Variants in LRRC37A2 observed in about 807,000 individuals in gnomAD.
LRRC37A2 encodes leucine-rich repeat-containing protein 37A2.
Under a neutral mutation model 68.8 loss-of-function variants are expected in LRRC37A2, and 9 were observed. The observed-to-expected ratio is 0.13, with a 90% CI of 0.08 to 0.23. The LOEUF is 0.23. LRRC37A2 is among the 10% of genes least tolerant of loss of function. The pLI, the probability that LRRC37A2 is intolerant of heterozygous loss-of-function variation, is 1.00. For missense variants in LRRC37A2, 168 were observed against 950.4 expected, an observed-to-expected ratio of 0.18 and a Z score of 10.82; for synonymous variants, 63 against 367.6, an observed-to-expected ratio of 0.17 and a Z score of 9.48.
At chr17:46,940,361 G>C in the LRRC37A2 span, 1 of 1,497,692 alleles carries the variant, frequency 6.7e-7, no homozygotes, top group Admixed American at 2.0e-5. Flanking sequence ...CCCTGCCAGA[G>C]TTAAAGCAGT....
chr17:46,638,780 T>G, the LRRC37A2 span, among the ~76,000 whole-genome samples: 1 of 111,756 alleles, frequency 8.9e-6, no homozygotes, highest in Non-Finnish European at 1.7e-5. Context: ...AGTGCTGGGA[T>G]TACAGGTGTG....
the LRRC37A2 span, among the ~76,000 whole-genome samples, chr17:46,748,833 A>G: frequency 2.6e-5 from 4 of 152,238 alleles, no homozygotes; most frequent in Non-Finnish European, 2.9e-5. Context: ...GAAAAAGGCA[A>G]TTAACTCCAG....
the LRRC37A2 span, chr17:46,923,207 C>G: frequency 5.2e-6 from 8 of 1,549,594 alleles, no homozygotes; most frequent in African/African-American, 2.7e-5. Context: ...ATCCCCTGTT[C>G]CAGCAAACGC....
At chr17:46,935,000 T>C in the LRRC37A2 span, 5 of 1,607,998 alleles carry the variant, frequency 3.1e-6, no homozygotes, top group South Asian at 5.5e-5. Context: ...ATAAGCAAAG[T>C]TAATCAAGTG....
the LRRC37A2 span, among the ~76,000 whole-genome samples, chr17:46,903,205 C>T: frequency 5.8e-3 from 888 of 151,960 alleles, 6 homozygotes; most frequent in Non-Finnish European, 8.3e-3. Flanking sequence ...CGCTTGAACC[C>T]GGGAGGTGGA....
At chr17:46,791,708 G>A in the LRRC37A2 span, among the ~76,000 whole-genome samples, 2 of 152,212 alleles carry the variant, frequency 1.3e-5, no homozygotes, top group South Asian at 4.1e-4. Flanking sequence ...AAGTAGGAAG[G>A]CATTTCTTCT....
the LRRC37A2 span, among the ~76,000 whole-genome samples, chr17:47,003,395 A>G: frequency 6.6e-6 from 1 of 152,168 alleles, no homozygotes; most frequent in African/African-American, 2.4e-5. Flanking sequence ...CACATCAACT[A>G]CTAGCACCAC....
chr17:46,499,007 G>T, the LRRC37A2 span, among the ~76,000 whole-genome samples: 1 of 150,184 alleles, frequency 6.7e-6, no homozygotes, highest in Non-Finnish European at 1.5e-5. Flanking sequence ...TTAGCACAAT[G>T]TCTGGCAAAT....
the LRRC37A2 span, among the ~76,000 whole-genome samples, chr17:46,739,027 G>A: frequency 6.6e-6 from 1 of 151,646 alleles, no homozygotes; most frequent in Non-Finnish European, 1.5e-5. Context: ...CTTGAGTCCA[G>A]GACTTCTAGA....
chr17:46,939,714 C>T, the LRRC37A2 span: 50 of 985,604 alleles, frequency 5.1e-5, no homozygotes, highest in South Asian at 9.4e-5. Flanking sequence ...CAGATCCCAC[C>T]GTGGAGACAT....
At chr17:46,780,190 CTG>C in the LRRC37A2 span, among the ~76,000 whole-genome samples, 1 of 152,254 alleles carries the variant, frequency 6.6e-6, no homozygotes, top group Non-Finnish European at 1.5e-5. Flanking sequence ...TGATCTGACA[CTG>C]GGGTTGTTGG....
chr17:47,016,326 A>C, the LRRC37A2 span, among the ~76,000 whole-genome samples: 5 of 151,080 alleles, frequency 3.3e-5, no homozygotes, highest in East Asian at 9.7e-4. Flanking sequence ...CTTGGAGTTT[A>C]CATGCTGGTA....
At chr17:47,000,091 T>TAAAAATAA in the LRRC37A2 span, among the ~76,000 whole-genome samples, 425 of 62,450 alleles carry the variant, frequency 6.8e-3, 33 homozygotes, top group South Asian at 0.064. Context: ...TAAAATAAAA[T>TAAAAATAA]AAAATAAAAT....
chr17:46,966,508 C>T, the LRRC37A2 span: 32 of 685,914 alleles, frequency 4.7e-5, no homozygotes, highest in Admixed American at 1.4e-4. Context: ...CCACCACACC[C>T]GATTAATTTT....
chr17:46,830,502 T>C, the LRRC37A2 span: 1 of 394,132 alleles, frequency 2.5e-6, no homozygotes, highest in Non-Finnish European at 4.5e-6. Context: ...GATCCTCCCC[T>C]CTCAAAGGGC....
chr17:46,934,926 C>G, the LRRC37A2 span: 24 of 1,006,952 alleles, frequency 2.4e-5, no homozygotes, highest in Middle Eastern at 1.4e-3. Context: ...TTCACCAGCC[C>G]CTCCGGCTGT....
chr17:47,005,767 G>C, the LRRC37A2 span: 1 of 152,112 alleles, frequency 6.6e-6, no homozygotes, highest in Non-Finnish European at 1.5e-5. Flanking sequence ...TTCTGTCCCA[G>C]GCTTCTCCAC....
chr17:46,903,549 G>A, the LRRC37A2 span, among the ~76,000 whole-genome samples: 6 of 152,198 alleles, frequency 3.9e-5, no homozygotes, highest in African/African-American at 1.2e-4. Flanking sequence ...GGGCTTCCAG[G>A]TACTTGTATC....
the LRRC37A2 span, among the ~76,000 whole-genome samples, chr17:47,010,272 A>C: frequency 1.3e-5 from 2 of 152,178 alleles, no homozygotes; most frequent in African/African-American, 4.8e-5. Flanking sequence ...CAGCTCCACC[A>C]GCTTCCACTT....
Sources: gnomAD v4.1 joint callset for allele counts (sites outside exome capture counted in the v4.1 genomes callset) on GRCh38, gnomAD v4.1.1 for gene constraint, MANE v1.5 for transcripts, NCBI Gene and HGNC (gene_info 2026-07-23, HGNC 2026-07-21) for gene names.